The following DHRS3 variants were observed in gnomAD, a reference collection of about 807,000 sequenced individuals.
DHRS3 encodes dehydrogenase/reductase 3.
Under a neutral mutation model 27.2 loss-of-function variants are expected in DHRS3, and 14 were observed. The ratio of observed to expected loss-of-function variants is 0.52; its 90% confidence interval spans 0.34 to 0.81. DHRS3 has a LOEUF of 0.81. Ranked by LOEUF, DHRS3 falls within the 30% of genes least tolerant of loss-of-function variation. The probability of loss-of-function intolerance (pLI) is 0.01; values close to 1 mark genes in which losing one functional copy is unlikely to be tolerated. For synonymous variants in DHRS3, 165 were observed against 175.9 expected (o/e 0.94, Z 0.49); for missense variants, 322 against 406.2 (o/e 0.79, Z 1.78).
At chr1:12,589,713 T>C (rs1162862731) in intron 1 of DHRS3, among the ~76,000 whole-genome samples, 2 of 152,214 alleles carry the variant, frequency 1.3e-5, no homozygotes, top group Admixed American at 6.5e-5. Flanking sequence ...GCTGGATATG[T>C]TGGCTCACGC....
chr1:12,582,171 T>C (rs747825621), intron 1 of DHRS3, among the ~76,000 whole-genome samples: 12 of 152,224 alleles, frequency 7.9e-5, no homozygotes, highest in Non-Finnish European at 1.3e-4. Context: ...AAAAGTCACA[T>C]TGATAAGGAG....
At chr1:12,568,486 T>G in intron 5 of DHRS3, 62 bp from the exon 6 acceptor site, 1 of 1,536,698 alleles carries the variant, frequency 6.5e-7, no homozygotes, top group Non-Finnish European at 9.0e-7. Context: ...AGGGGCTGGG[T>G]CGCTGGTGGC....
At chr1:12,575,789 C>T (rs1193963905) in intron 4 of DHRS3, among the ~76,000 whole-genome samples, 2 of 152,088 alleles carry the variant, frequency 1.3e-5, no homozygotes, top group African/African-American at 4.8e-5. Context: ...TCACTGCAAC[C>T]TCCACCTCCC....
At chr1:12,571,585 C>T (rs1020013931) in intron 5 of DHRS3, among the ~76,000 whole-genome samples, 2 of 142,052 alleles carry the variant, frequency 1.4e-5, no homozygotes, top group Admixed American at 7.4e-5. Flanking sequence ...GGCTGGAGTG[C>T]GGTGGTGCGA....
Position 12,618,003 on chromosome 1 carries a change from G to C in DHRS3, c.-655C>G, listed in dbSNP as rs549904571. ...ATTGCCAGCAACGTGCAGGAGAAGTGGGGGGTCCGGGTGTCAGTTTCTTTA... is the reference window on the plus strand; with the variant it reads ...ATTGCCAGCAACGTGCAGGAGAAGTCGGGGGTCCGGGTGTCAGTTTCTTTA... On this transcript the variant is annotated 5_prime_UTR_variant, in exon 1 of 6. Coordinates refer to ENST00000616661, the MANE Select transcript of DHRS3 (RefSeq NM_004753.7). The surrounding 1 kb of genome is among the most constrained non-coding windows in gnomAD (Gnocchi z 4.2). Among the ~76,000 whole-genome samples, 3 of 152,026 alleles carry C rather than the reference G, an allele frequency of 2.0e-5. No individual in the cohort carries two copies. Among genetic ancestry groups the C allele is most frequent in the Admixed American group, 6.5e-5 (1 of 15,274 alleles).
At chr1:12,615,134 A>ACAGAAGCCTCATTATAAAGTAGCTC (rs3839020) in intron 1 of DHRS3, among the ~76,000 whole-genome samples, 6 of 145,562 alleles carry the variant, frequency 4.1e-5, no homozygotes, top group East Asian at 4.1e-4. Context: ...ATGACAGCAA[A>ACAGAAGCCTCATTATAAAGTAGCTC]CAGAAGCCTC....
intron 1 of DHRS3, among the ~76,000 whole-genome samples, chr1:12,599,652 C>T (rs1312571391): frequency 1.3e-5 from 2 of 152,200 alleles, no homozygotes; most frequent in Non-Finnish European, 2.9e-5. Context: ...CCAAAGGAAA[C>T]AAACTCTCTC....
intron 1 of DHRS3, among the ~76,000 whole-genome samples, chr1:12,584,000 G>A (rs1646670742): frequency 7.6e-6 from 1 of 132,100 alleles, no homozygotes; most frequent in Non-Finnish European, 1.5e-5. Context: ...GAGTATGTCA[G>A]CCCAAGGGGT....
In DHRS3 at chr1:12,586,982, T is replaced by G. The variant is rs897442646; in HGVS notation, c.196-6316A>C. The stretch of plus-strand genomic sequence containing the variant: ...TCATAGCACTGCCTCTGATACACCC[T>G]CTTCACTGCCTCTGATACACCCTCT... On this transcript the variant is annotated intron_variant, in intron 1 of 5. Coordinates refer to ENST00000616661, the MANE Select transcript of DHRS3 (RefSeq NM_004753.7). This position sits in a 1 kb window ranked among gnomAD's most constrained non-coding sequence, Gnocchi z 5.0. Among the ~76,000 whole-genome samples the G allele has an allele frequency of 9.5e-5, 14 of 147,834 alleles. No individual in the cohort carries two copies. The highest frequency in any genetic ancestry group is 2.6e-4 in the Admixed American group (4 of 15,130).
intron 1 of DHRS3, among the ~76,000 whole-genome samples, chr1:12,613,040 A>G (rs1251417759): frequency 2.0e-5 from 3 of 151,938 alleles, no homozygotes; most frequent in Non-Finnish European, 4.4e-5. Context: ...AGCCTGGGCA[A>G]TAAGAGCAAA....
chr1:12,587,071 A>G (rs1201359866), intron 1 of DHRS3, among the ~76,000 whole-genome samples: 1 of 152,034 alleles, frequency 6.6e-6, no homozygotes, highest in Non-Finnish European at 1.5e-5. Context: ...ACATGGAAAA[A>G]TGCTCAGGAG....
intron 1 of DHRS3, among the ~76,000 whole-genome samples, chr1:12,585,215 C>CTGTGTGTCTCTGTGAGTGTGTGTCTCTG (rs1557520077): frequency 2.5e-4 from 3 of 12,140 alleles, no homozygotes; most frequent in Admixed American, 9.4e-4. Flanking sequence ...CTGTGTATCT[C>CTGTGTGTCTCTGTGAGTGTGTGTCTCTG]TGTGTGTGTG....
At chr1:12,579,035 C>T in intron 3 of DHRS3, 79 bp from the exon 4 acceptor site, 1 of 1,360,592 alleles carries the variant, frequency 7.3e-7, no homozygotes, top group African/African-American at 1.4e-5. Flanking sequence ...GAGAACAGCC[C>T]ACCCCGGACA....
rs1181662271 is a variant in DHRS3, at chr1:12,578,720, G to A, written c.696C>T (p.Val232=). The A allele has an allele frequency of 6.2e-7, 1 of 1,611,072 alleles. No homozygotes were observed. Among genetic ancestry groups the A allele is most frequent in the Non-Finnish European group, 8.5e-7 (1 of 1,177,598 alleles). ...TSTEMFQGMR[V]RFPNLFPPLK... is the part of the protein sequence containing the mutation. ...AGGTGGGTCCCCTGCTCACTGACCT[G>A]ACTCTCATGCCCTGGAACATCTCGG... Residue 232 remains valine, a splice_region_variant and synonymous_variant, in exon 4 of 6, where the codon GTC becomes GTT. Coordinates refer to ENST00000616661, the MANE Select transcript of DHRS3 (RefSeq NM_004753.7). The surrounding 1 kb of genome is among the most constrained non-coding windows in gnomAD (Gnocchi z 4.5).
At chr1:12,575,797 C>A (rs1251955640) in intron 4 of DHRS3, among the ~76,000 whole-genome samples, 2 of 152,090 alleles carry the variant, frequency 1.3e-5, no homozygotes, top group Non-Finnish European at 2.9e-5. Context: ...ACCTCCACCT[C>A]CCAGGTTCAA....
chr1:12,582,890 A>C, intron 1 of DHRS3, among the ~76,000 whole-genome samples: 3 of 134,148 alleles, frequency 2.2e-5, no homozygotes, highest in African/African-American at 5.7e-5. Flanking sequence ...TCCCTCATCT[A>C]CCCTACTCCA....
rs910545877 is a variant in DHRS3 at position 12,592,202 on chromosome 1, T to C, written c.196-11536A>G. 1.3e-5 allele frequency among the ~76,000 whole-genome samples: 2 copies of C among 152,170 alleles called. No individual in the cohort carries two copies. The highest frequency in any genetic ancestry group is 2.9e-5 in the Non-Finnish European group (2 of 68,014). On this transcript the variant is annotated intron_variant, in intron 1 of 5. Coordinates refer to ENST00000616661, the MANE Select transcript of DHRS3 (RefSeq NM_004753.7). This position sits in a 1 kb window ranked among gnomAD's most constrained non-coding sequence, Gnocchi z 4.2. ...CTGCAGGCTGGATCCTGCTCTGGGC[T>C]CTTAGACTGAATCCTCTCGGCTGCC...
At chr1:12,573,644 T>C (rs553291284) in intron 4 of DHRS3, among the ~76,000 whole-genome samples, 1 of 152,348 alleles carries the variant, frequency 6.6e-6, no homozygotes, top group African/African-American at 2.4e-5. Context: ...GCTTGCTGGT[T>C]CACTAACTCA....
At chr1:12,616,306 G>A (rs557295602) in intron 1 of DHRS3, among the ~76,000 whole-genome samples, 51 of 152,134 alleles carry the variant, frequency 3.4e-4, no homozygotes, top group Non-Finnish European at 6.6e-4. Flanking sequence ...TCTGGTCACC[G>A]CGTGAGTCAG....
Sources: allele counts gnomAD v4.1 joint callset (sites outside exome capture counted in the v4.1 genomes callset), GRCh38; gene constraint gnomAD v4.1.1; non-coding constraint Gnocchi (gnomAD v3.1); transcripts MANE v1.5; gene names NCBI Gene and HGNC (gene_info 2026-07-23, HGNC 2026-07-21).